GABBR2: variants seen among roughly 807,000 people sequenced by gnomAD.
GABBR2 encodes G-protein coupled receptor 51.
Under a neutral mutation model 105.6 loss-of-function variants are expected in GABBR2, and 23 were observed. The observed-to-expected ratio is 0.22, with a 90% CI of 0.16 to 0.31. The LOEUF (loss-of-function observed/expected upper bound fraction) is 0.31. Among genes scored for constraint, GABBR2 ranks in the 10% least tolerant of loss-of-function variants. The pLI is 1.00. For synonymous variants in GABBR2, 478 were observed against 499.7 expected (o/e 0.96, Z 0.58); for missense variants, 734 against 1,245.5 (o/e 0.59, Z 6.18).
chr9:98,428,491 T>C (rs1465666301), intron 7 of GABBR2, among the ~76,000 whole-genome samples: 1 of 152,118 alleles, frequency 6.6e-6, no homozygotes, highest in Non-Finnish European at 1.5e-5. Context: ...ATCAGCCTCC[T>C]AGAGCACCAG....
Position 98,362,736 on chromosome 9 carries a change from T to G in GABBR2, c.1872A>C (p.Thr624=), listed in dbSNP as rs77587953. The G allele has an allele frequency of 6.3e-7, 1 of 1,598,386 alleles. No homozygotes were observed. The highest frequency in any genetic ancestry group is 8.5e-7 in the Non-Finnish European group (1 of 1,173,652). ...TTACCTCCATGCTGTACTTCTCCAC[T>G]GTCCTTCGCAGGGGGTCCACAGCCT... ...CWQAVDPLRR[T]VEKYSMEPDP... The change falls in exon 13 of 19, where the codon ACA becomes ACC. Residue 624 remains threonine (T), a synonymous_variant. Transcript: ENST00000259455.
chr9:98,692,885 A>G (rs1379771096), intron 1 of GABBR2, among the ~76,000 whole-genome samples: 2 of 152,350 alleles, frequency 1.3e-5, no homozygotes, highest in East Asian at 3.8e-4. Context: ...CAGAGGAACC[A>G]TTTTATAAGA....
chr9:98,391,064 A>G (rs763070401), intron 9 of GABBR2, among the ~76,000 whole-genome samples: 1 of 152,106 alleles, frequency 6.6e-6, no homozygotes, highest in Non-Finnish European at 1.5e-5. Context: ...ATTCATTGCC[A>G]TTCACTCATT....
chr9:98,556,648 C>T (rs972730080), intron 2 of GABBR2, among the ~76,000 whole-genome samples: 1 of 151,896 alleles, frequency 6.6e-6, no homozygotes, highest in East Asian at 1.9e-4. Flanking sequence ...CCCAGCTCCT[C>T]TGGTCAGCTG....
At chr9:98,487,281 C>T (rs1827076071) in intron 4 of GABBR2, among the ~76,000 whole-genome samples, 1 of 152,136 alleles carries the variant, frequency 6.6e-6, no homozygotes, top group South Asian at 2.1e-4. Flanking sequence ...TCAGGATGGA[C>T]TCCTGGCCTG....
rs1826283068 is a variant in GABBR2, at chr9:98,454,113, T to C, written c.1104A>G (p.Thr368=). The C allele has an allele frequency of 4.3e-6, 7 of 1,614,110 alleles. No homozygotes were observed. In the East Asian group the frequency reaches 1.6e-4, roughly 36 times the overall value. ...AYDGIWVIAK[T]LQRAMETLHA... ...GCAGTGTCTCCATGGCCCTCTGCAG[T>C]GTCTTGGCGATGACCCAGATGCCAT... Residue 368 remains threonine (T), a synonymous_variant, in exon 7 of 19, where the codon ACA becomes ACG. Coordinates refer to ENST00000259455, the MANE Select transcript of GABBR2 (RefSeq NM_005458.8). This position sits in a 1 kb window ranked among gnomAD's most constrained non-coding sequence, Gnocchi z 4.6.
chr9:98,550,486 G>T (rs1293112469), intron 2 of GABBR2, among the ~76,000 whole-genome samples: 1 of 152,074 alleles, frequency 6.6e-6, no homozygotes, highest in Non-Finnish European at 1.5e-5. Context: ...AGAAATGGAG[G>T]AGTGGAACCA....
chr9:98,293,124 T>C (rs1830327202), intron 18 of GABBR2, among the ~76,000 whole-genome samples: 1 of 152,232 alleles, frequency 6.6e-6, no homozygotes, highest in Admixed American at 6.5e-5. Flanking sequence ...AAAGTTTGTA[T>C]TTCCAGCTTC....
intron 2 of GABBR2, among the ~76,000 whole-genome samples, chr9:98,571,180 GAGCATAGTCCTGCCAGC>G (rs1828824413): frequency 6.6e-6 from 1 of 152,204 alleles, no homozygotes; most frequent in Non-Finnish European, 1.5e-5. Flanking sequence ...CAGGAAGAAT[GAGCATAGTCCTGCCAGC>G]AGCCTGTACT....
chr9:98,686,157 A>G (rs1415628390), intron 1 of GABBR2, among the ~76,000 whole-genome samples: 2 of 152,124 alleles, frequency 1.3e-5, no homozygotes, highest in Non-Finnish European at 2.9e-5. Context: ...CGCCAGCTCC[A>G]GGTGATGTCT....
chr9:98,303,370 C>T lies in GABBR2; in HGVS notation c.2283G>A (p.Gln761=), dbSNP rs1159264574. The change falls in exon 16 of 19, where the codon CAG becomes CAA. Residue 761 remains glutamine, a synonymous_variant. Transcript: ENST00000259455. ...CTTCTTTCTTCTGATTCTGAGTGAA[C>T]TGGAATCGCCTGTTCTGCGTTGCTG... The part of the protein sequence containing the change: ...PDAATQNRRF[Q]FTQNQKKEDS... 2 of 1,614,162 alleles carry T rather than the reference C, an allele frequency of 1.2e-6. No homozygotes were observed. Among genetic ancestry groups the T allele is most frequent in the South Asian group, 1.1e-5 (1 of 91,090 alleles).
Position 98,516,700 on chromosome 9 carries a change from C to T in GABBR2, c.631-20186G>A, listed in dbSNP as rs143776950. Among the ~76,000 whole-genome samples, 682 of 152,274 alleles carry T rather than the reference C, an allele frequency of 4.5e-3. 2 individuals carry two copies. The highest frequency in any genetic ancestry group is 0.016 in the African/African-American group (646 of 41,568). ...GGCACCATCTTTGGTGATCCTGGCT[C>T]CTAGCTCCTGGGTTCCAGGACCCAG... On this transcript the variant is annotated intron_variant, in intron 3 of 18. Transcript: ENST00000259455.
At chr9:98,444,160 T>C (rs939800035) in intron 7 of GABBR2, among the ~76,000 whole-genome samples, 2 of 152,220 alleles carry the variant, frequency 1.3e-5, no homozygotes, top group East Asian at 3.8e-4. Context: ...TAAACAAATA[T>C]TTATCAGGCA....
At chr9:98,704,099 C>T (rs1375539668) in intron 1 of GABBR2, among the ~76,000 whole-genome samples, 3 of 152,128 alleles carry the variant, frequency 2.0e-5, no homozygotes, top group Admixed American at 6.5e-5. Context: ...CTCTCAAACC[C>T]GGGGCTATGT....
chr9:98,452,714 T>C (rs560267261), intron 7 of GABBR2, among the ~76,000 whole-genome samples: 3 of 152,360 alleles, frequency 2.0e-5, no homozygotes, highest in African/African-American at 7.2e-5. Context: ...TTATCATTGC[T>C]TATTTTCCCA....
chr9:98,637,112 C>T (rs1015716314), intron 1 of GABBR2, among the ~76,000 whole-genome samples: 1 of 152,170 alleles, frequency 6.6e-6, no homozygotes, highest in Non-Finnish European at 1.5e-5. Flanking sequence ...CATCTGATAT[C>T]GAACTGAAAA....
intron 11 of GABBR2, among the ~76,000 whole-genome samples, chr9:98,378,459 C>T (rs1242325294): frequency 6.6e-6 from 1 of 152,202 alleles, no homozygotes; most frequent in Non-Finnish European, 1.5e-5. Context: ...CACAGCTGGG[C>T]CCCAGGAGAC....
intron 13 of GABBR2, among the ~76,000 whole-genome samples, chr9:98,345,897 G>A (rs995604741): frequency 1.3e-5 from 2 of 152,208 alleles, no homozygotes; most frequent in African/African-American, 4.8e-5. Flanking sequence ...TGGTTTCCCA[G>A]TGTACATAAA....
chr9:98,493,529 A>C (rs967742691), intron 4 of GABBR2, among the ~76,000 whole-genome samples: 2 of 152,142 alleles, frequency 1.3e-5, no homozygotes. Flanking sequence ...AATTCTGGGA[A>C]AGTATCTCAA....
Sources: allele counts gnomAD v4.1 joint callset (sites outside exome capture counted in the v4.1 genomes callset), GRCh38; gene constraint gnomAD v4.1.1; non-coding constraint Gnocchi (gnomAD v3.1); transcripts MANE v1.5; gene names NCBI Gene and HGNC (gene_info 2026-07-23, HGNC 2026-07-21).